The following SMAP2 variants were observed in gnomAD, a reference collection of about 807,000 sequenced individuals.
The protein encoded by SMAP2 is small ArfGAP2.
In SMAP2, 25 loss-of-function variants were observed where a neutral mutation model predicts 56.4. That is an observed-to-expected ratio of 0.44 (90% confidence interval 0.32 to 0.62). The LOEUF (loss-of-function observed/expected upper bound fraction) is 0.62. Ranked by LOEUF, SMAP2 falls within the 20% of genes least tolerant of loss-of-function variation. The pLI is 0.04. For missense variants in SMAP2, 388 were observed against 545.6 expected (o/e 0.71, Z 2.88); for synonymous variants, 157 against 181.7 (o/e 0.86, Z 1.09).
intron 1 of SMAP2, among the ~76,000 whole-genome samples, chr1:40,377,643 T>C (rs948466585): frequency 1.3e-5 from 2 of 152,202 alleles, no homozygotes; most frequent in African/African-American, 4.8e-5. Flanking sequence ...ATGGTAACTC[T>C]GGCTGATTGA....
intron 9 of SMAP2, among the ~76,000 whole-genome samples, chr1:40,421,526 C>T (rs911973115): frequency 6.7e-5 from 10 of 149,112 alleles, no homozygotes; most frequent in Non-Finnish European, 1.0e-4. Context: ...CTTGTGCAAA[C>T]GAGCAAGCCT....
intron 1 of SMAP2, among the ~76,000 whole-genome samples, chr1:40,360,258 G>A (rs982963955): frequency 1.3e-5 from 2 of 150,296 alleles, no homozygotes; most frequent in Non-Finnish European, 3.0e-5. Context: ...CGCCTGCCTC[G>A]GCCTCCCAAA....
At chr1:40,401,309 A>G (rs1177066713) in intron 1 of SMAP2, among the ~76,000 whole-genome samples, 1 of 152,152 alleles carries the variant, frequency 6.6e-6, no homozygotes, top group Non-Finnish European at 1.5e-5. Context: ...TATAGGTGAG[A>G]CATGAGGTCT....
chr1:40,365,815 G>A (rs1020069601), intron 2 of SMAP2, among the ~76,000 whole-genome samples: 5 of 152,026 alleles, frequency 3.3e-5, no homozygotes, highest in South Asian at 2.1e-4. Context: ...CCAAAGGAAC[G>A]CAGCTCCTCA....
chr1:40,389,833 C>G (rs1295661472), intron 1 of SMAP2, among the ~76,000 whole-genome samples: 1 of 152,124 alleles, frequency 6.6e-6, no homozygotes, highest in Non-Finnish European at 1.5e-5. Flanking sequence ...TTTAGAAACT[C>G]CTTGTGCCCA....
intron 1 of SMAP2, among the ~76,000 whole-genome samples, chr1:40,345,347 C>CT (rs1210946581): frequency 6.6e-6 from 1 of 151,696 alleles, no homozygotes; most frequent in Non-Finnish European, 1.5e-5. Flanking sequence ...GAGCCATGAT[C>CT]GTGCCACTGC....
chr1:40,406,624 G>A, intron 1 of SMAP2, 112 bp from the exon 2 acceptor site: 2 of 1,225,922 alleles, frequency 1.6e-6, no homozygotes, highest in Middle Eastern at 2.4e-4. Flanking sequence ...GGTGGTTATG[G>A]TAAAAATTAT....
At chr1:40,380,033 T>G (rs76407974) in intron 1 of SMAP2, among the ~76,000 whole-genome samples, 357 of 152,354 alleles carry the variant, frequency 2.3e-3, no homozygotes, top group African/African-American at 8.2e-3. Flanking sequence ...CAGTTTAGTT[T>G]TCCTAGTTTG....
intron 1 of SMAP2, chr1:40,393,274 T>C: frequency 6.8e-7 from 1 of 1,475,788 alleles, no homozygotes; most frequent in Non-Finnish European, 9.0e-7. Flanking sequence ...TGCACTGCAC[T>C]CTAGCTTGGG....
intron 1 of SMAP2, among the ~76,000 whole-genome samples, chr1:40,360,344 C>T (rs1312998602): frequency 6.8e-6 from 1 of 147,320 alleles, no homozygotes; most frequent in Non-Finnish European, 1.5e-5. Flanking sequence ...TACTCTGTTG[C>T]CCAGGCTGGA....
chr1:40,408,836 T>G lies in SMAP2; in HGVS notation c.323+98T>G, dbSNP rs1644909805. On this transcript the variant is annotated intron_variant, in intron 3 of 9. Transcript: ENST00000372718. The surrounding 1 kb of genome is among the most constrained non-coding windows in gnomAD (Gnocchi z 4.3). ...TCCTGTAATGTGACTGGGTCATCTC[T>G]ATGTGGATTAGTCAGTGTCCTTGCT... The G allele has an allele frequency of 5.6e-6, 5 of 898,142 alleles. No individual in the cohort carries two copies. Among genetic ancestry groups the G allele is most frequent in the African/African-American group, 1.6e-5 (1 of 60,726 alleles). The allele number at this position is 898,142 out of a possible 1,614,324, so 55.6% of individuals were successfully genotyped here. A position where few individuals can be genotyped will look rare whatever the true frequency, so the allele number is the denominator to read the frequency against.
At chr1:40,357,432 G>C (rs1644440983) in intron 1 of SMAP2, among the ~76,000 whole-genome samples, 1 of 151,396 alleles carries the variant, frequency 6.6e-6, no homozygotes, top group South Asian at 2.1e-4. Context: ...TCCAGCCTGG[G>C]CCACAGAGCG....
chr1:40,346,945 G>A (rs773082168), intron 1 of SMAP2, among the ~76,000 whole-genome samples: 4 of 151,324 alleles, frequency 2.6e-5, no homozygotes, highest in Non-Finnish European at 5.9e-5. Flanking sequence ...GGACACCTGG[G>A]CTCAAGTGAT....
At chr1:40,349,049 C>T (rs1158733255) in intron 1 of SMAP2, among the ~76,000 whole-genome samples, 2 of 152,162 alleles carry the variant, frequency 1.3e-5, no homozygotes, top group Non-Finnish European at 2.9e-5. Context: ...GGATTACGGG[C>T]GTAAGCCACC....
chr1:40,408,510 A>C lies in SMAP2; in HGVS notation c.238-143A>C. On this transcript the variant is annotated intron_variant, in intron 2 of 9. Transcript: ENST00000372718. This position sits in a 1 kb window ranked among gnomAD's most constrained non-coding sequence, Gnocchi z 4.3. ...TAAGGTAGAGGGAATCATGAATTGG[A>C]AATCAGAATACACAAGTTTAAATGT... The C allele has an allele frequency of 1.7e-6, 1 of 602,472 alleles. No homozygotes were observed. Among genetic ancestry groups the C allele is most frequent in the East Asian group, 3.0e-5 (1 of 33,108 alleles). 37.3% of individuals were successfully genotyped at this position (602,472 alleles called of 1,614,324 possible). A position where few individuals can be genotyped will look rare whatever the true frequency, so the allele number is the denominator to read the frequency against.
At chr1:40,413,573 C>T (rs1246806361) in intron 5 of SMAP2, among the ~76,000 whole-genome samples, 1 of 152,170 alleles carries the variant, frequency 6.6e-6, no homozygotes, top group African/African-American at 2.4e-5. Flanking sequence ...TTCCACAGGA[C>T]ATATTGTGGC....
At chr1:40,399,461 A>G (rs1233647614) in intron 1 of SMAP2, among the ~76,000 whole-genome samples, 1 of 146,102 alleles carries the variant, frequency 6.8e-6, no homozygotes, top group East Asian at 2.0e-4. Context: ...TGCCTGGCCC[A>G]TTTCTTTTTT....
Position 40,357,473 on chromosome 1 carries a change from CA to C in SMAP2, c.-82-4814del, listed in dbSNP as rs202073076. 3.2e-3 allele frequency among the ~76,000 whole-genome samples: 446 copies of C among 141,352 alleles called. 1 individual carries two copies. The highest frequency in any genetic ancestry group is 5.4e-3 in the African/African-American group (212 of 38,982). 92.7% of individuals were successfully genotyped at this position (141,352 alleles called of 152,430 possible). The stretch of plus-strand genomic sequence containing the variant: ...CTGTCTCAAAAACAAACAACAACCA[CA>C]AAAAAAAAAAAAGAAGGAAATCTTT... On this transcript the variant is annotated intron_variant, in intron 1 of 6. Transcript: ENST00000435168.
At chr1:40,364,980 G>A (rs943735239) in intron 2 of SMAP2, 13 of 230,770 alleles carry the variant, frequency 5.6e-5, no homozygotes, top group Admixed American at 4.1e-4. Flanking sequence ...AAGTGGATGA[G>A]GTGAAGTCCA....
Sources: allele counts gnomAD v4.1 joint callset (sites outside exome capture counted in the v4.1 genomes callset), GRCh38; gene constraint gnomAD v4.1.1; non-coding constraint Gnocchi (gnomAD v3.1); transcripts MANE v1.5; gene names NCBI Gene and HGNC (gene_info 2026-07-23, HGNC 2026-07-21).